The following NEGR1 variants were observed in gnomAD, a reference collection of about 807,000 sequenced individuals.
NEGR1 encodes the protein IgLON family member 4.
A neutral mutation model predicts 40.9 loss-of-function variants in NEGR1; 10 were observed. The ratio of observed to expected loss-of-function variants is 0.24; its 90% confidence interval spans 0.15 to 0.42. The LOEUF is 0.42. Ranked by LOEUF, NEGR1 falls within the 10% of genes least tolerant of loss-of-function variation. The pLI, the probability that NEGR1 is intolerant of heterozygous loss-of-function variation, is 1.00. For synonymous variants in NEGR1, 185 were observed against 166.8 expected, an observed-to-expected ratio of 1.11 and a Z score of -0.84; for missense variants, 352 against 438.9, an observed-to-expected ratio of 0.80 and a Z score of 1.77.
intron 2 of NEGR1, among the ~76,000 whole-genome samples, chr1:71,868,851 C>T (rs1012048765): frequency 1.1e-4 from 16 of 152,046 alleles, no homozygotes; most frequent in African/African-American, 3.9e-4. Context: ...TTCCCACCTT[C>T]TCCCTCTCAC....
At chr1:71,963,567 G>A (rs1479877004) in intron 1 of NEGR1, among the ~76,000 whole-genome samples, 3 of 152,124 alleles carry the variant, frequency 2.0e-5, no homozygotes, top group Non-Finnish European at 4.4e-5. Flanking sequence ...TTTCTAAAAT[G>A]TCATGTTAAG....
chr1:71,669,657 A>C (rs1326667364), intron 4 of NEGR1, among the ~76,000 whole-genome samples: 1 of 150,228 alleles, frequency 6.7e-6, no homozygotes, highest in Non-Finnish European at 1.5e-5. Context: ...AATGCTACGT[A>C]ACTTTTTTTT....
At chr1:71,731,929 CT>C (rs1654884714) in intron 3 of NEGR1, among the ~76,000 whole-genome samples, 1 of 152,180 alleles carries the variant, frequency 6.6e-6, no homozygotes, top group South Asian at 2.1e-4. Context: ...ACTTATTAGA[CT>C]TCTATTTGCA....
intron 2 of NEGR1, among the ~76,000 whole-genome samples, chr1:71,795,357 C>G (rs567523993): frequency 6.6e-6 from 1 of 152,046 alleles, no homozygotes; most frequent in South Asian, 2.1e-4. Context: ...TAATTTATAT[C>G]TACATTAAAG....
At chr1:71,662,754 T>C (rs922642365) in intron 4 of NEGR1, among the ~76,000 whole-genome samples, 1 of 151,684 alleles carries the variant, frequency 6.6e-6, no homozygotes, top group Non-Finnish European at 1.5e-5. Flanking sequence ...TAAAATTATA[T>C]TGATGTGAAA....
chr1:72,186,720 T>C (rs1446406800), intron 1 of NEGR1, among the ~76,000 whole-genome samples: 1 of 151,690 alleles, frequency 6.6e-6, no homozygotes, highest in African/African-American at 2.4e-5. Context: ...AGAATTTCAT[T>C]GCGTTCTGTG....
chr1:71,703,241 A>C (rs1255634872), intron 3 of NEGR1: 2 of 152,172 alleles, frequency 1.3e-5, no homozygotes, highest in Non-Finnish European at 1.5e-5. Context: ...AATAAAAGCC[A>C]GAATAAAGAC....
chr1:71,618,548 G>C (rs1650513799), intron 4 of NEGR1, among the ~76,000 whole-genome samples: 1 of 152,042 alleles, frequency 6.6e-6, no homozygotes, highest in South Asian at 2.1e-4. Context: ...GGGTGCCACT[G>C]TCTCCCATCA....
intron 4 of NEGR1, among the ~76,000 whole-genome samples, chr1:71,617,703 C>T (rs980976496): frequency 1.3e-5 from 2 of 152,138 alleles, no homozygotes; most frequent in Non-Finnish European, 2.9e-5. Flanking sequence ...AAATCATTTT[C>T]CAGAATGTGA....
chr1:71,687,558 T>C (rs1170849286), intron 4 of NEGR1, among the ~76,000 whole-genome samples: 3 of 152,236 alleles, frequency 2.0e-5, no homozygotes, highest in Admixed American at 2.0e-4. Flanking sequence ...AAACCTATTC[T>C]GAGTGCAGCA....
chr1:71,520,795 C>T (rs563055966), intron 6 of NEGR1, among the ~76,000 whole-genome samples: 4 of 152,038 alleles, frequency 2.6e-5, no homozygotes, highest in South Asian at 2.1e-4. Context: ...CAGGGAAAGA[C>T]AATACAGGAG....
chr1:72,130,466 G>A (rs1285798382), intron 1 of NEGR1, among the ~76,000 whole-genome samples: 3 of 152,136 alleles, frequency 2.0e-5, no homozygotes, highest in African/African-American at 7.2e-5. Flanking sequence ...TCATGAGGAA[G>A]CTGAAGCCCT....
intron 1 of NEGR1, among the ~76,000 whole-genome samples, chr1:72,102,978 G>C (rs901329739): frequency 6.6e-6 from 1 of 152,020 alleles, no homozygotes; most frequent in Admixed American, 6.6e-5. Context: ...GGGGAATAAA[G>C]ATACATATCA....
chr1:71,924,445 A>G (rs1360975815), intron 2 of NEGR1, among the ~76,000 whole-genome samples: 2 of 152,232 alleles, frequency 1.3e-5, no homozygotes, highest in Non-Finnish European at 2.9e-5. Context: ...AGTGAATAAC[A>G]ACACATCTCA....
At chr1:71,854,891 A>G (rs1659714524) in intron 2 of NEGR1, among the ~76,000 whole-genome samples, 1 of 152,114 alleles carries the variant, frequency 6.6e-6, no homozygotes, top group Non-Finnish European at 1.5e-5. Flanking sequence ...AGAATTCAAG[A>G]TGAGATTTGG....
At chr1:72,098,549 T>A (rs1648801418) in intron 1 of NEGR1, among the ~76,000 whole-genome samples, 1 of 152,170 alleles carries the variant, frequency 6.6e-6, no homozygotes, top group Non-Finnish European at 1.5e-5. Context: ...AAAACTATTA[T>A]GTCATAACTC....
At chr1:72,261,057 A>C (rs1655437460) in intron 1 of NEGR1, among the ~76,000 whole-genome samples, 1 of 152,090 alleles carries the variant, frequency 6.6e-6, no homozygotes, top group African/African-American at 2.4e-5. Context: ...GTTATAAAAA[A>C]TCATTTTAAC....
At chr1:71,556,927 C>T (rs559498431) in intron 6 of NEGR1, among the ~76,000 whole-genome samples, 5 of 151,562 alleles carry the variant, frequency 3.3e-5, no homozygotes, top group Non-Finnish European at 5.9e-5. Flanking sequence ...AACACCTCAA[C>T]AGATGTAAAA....
chr1:71,580,418 T>G (rs1649096354), intron 6 of NEGR1, among the ~76,000 whole-genome samples: 1 of 152,034 alleles, frequency 6.6e-6, no homozygotes, highest in Non-Finnish European at 1.5e-5. Flanking sequence ...GTAACTATCC[T>G]GCACATTGTG....
Sources: allele counts gnomAD v4.1 joint callset (sites outside exome capture counted in the v4.1 genomes callset), GRCh38; gene constraint gnomAD v4.1.1; transcripts MANE v1.5; gene names NCBI Gene and HGNC (gene_info 2026-07-23, HGNC 2026-07-21).